Variants in LAMA2 observed in about 807,000 individuals in gnomAD.
LAMA2 encodes laminin subunit alpha 2, also known as laminin subunit alpha-2.
LAMA2 carries 269 observed loss-of-function variants against 364.8 expected under a neutral mutation model. That is an observed-to-expected ratio of 0.74 (90% CI 0.67 to 0.82). The LOEUF (loss-of-function observed/expected upper bound fraction) is 0.82. Among genes scored for constraint, LAMA2 ranks in the 40% least tolerant of loss-of-function variants. The pLI is 0.00. For synonymous variants in LAMA2, 1,379 were observed against 1,370.6 expected (o/e 1.01, Z -0.14); for missense variants, 3,807 against 3,873.2 (o/e 0.98, Z 0.45).
chr6:129,223,859 GT>G, intron 12 of LAMA2, among the ~76,000 whole-genome samples: 1 of 151,962 alleles, frequency 6.6e-6, no homozygotes, highest in South Asian at 2.1e-4. Context: ...CTTTAAAGTA[GT>G]TTTTTTTCCA....
chr6:129,383,176 A>G lies in LAMA2; in HGVS notation c.5014A>G (p.Asn1672Asp). The change falls in exon 35 of 65, where the codon AAC (asparagine) becomes GAC (aspartate). Residue 1672 changes from asparagine to aspartate, a missense_variant. By Grantham distance (23) the Asn-to-Asp change is conservative (BLOSUM62 1). Transcript: ENST00000421865. ...EQTGQDAERTNTRAKSLGEFI... is the reference protein window; with the variant it reads ...EQTGQDAERTDTRAKSLGEFI... ...GACCGGACAGGATGCTGAGAGGACCAACACAAGAGCAAAGTCCCTGGGAGA... is the reference window on the plus strand; with the variant it reads ...GACCGGACAGGATGCTGAGAGGACCGACACAAGAGCAAAGTCCCTGGGAGA... 1 of 1,613,970 alleles carries G rather than the reference A, an allele frequency of 6.2e-7. No homozygotes were observed. Among genetic ancestry groups the G allele is most frequent in the Non-Finnish European group, 8.5e-7 (1 of 1,179,942 alleles).
intron 12 of LAMA2, among the ~76,000 whole-genome samples, chr6:129,203,655 T>C (rs9375618): frequency 6.6e-6 from 1 of 152,212 alleles, no homozygotes; most frequent in Admixed American, 6.5e-5. Context: ...CTTTTTTTCC[T>C]CCTTGATTTC....
intron 53 of LAMA2, among the ~76,000 whole-genome samples, chr6:129,477,781 A>G (rs945094515): frequency 2.6e-5 from 4 of 152,266 alleles, no homozygotes; most frequent in African/African-American, 9.6e-5. Flanking sequence ...ATCTGTTAAA[A>G]AAAAACATTT....
intron 40 of LAMA2, 33 bp downstream of exon 40, chr6:129,403,992 G>C: frequency 6.2e-7 from 1 of 1,612,204 alleles, no homozygotes. Context: ...GCTGGGAATG[G>C]AAGTCAACCT....
intron 51 of LAMA2, among the ~76,000 whole-genome samples, chr6:129,469,785 A>G (rs1329559464): frequency 6.6e-6 from 1 of 152,084 alleles, no homozygotes; most frequent in African/African-American, 2.4e-5. Context: ...TAAAAAATAA[A>G]GTATTAATAT....
intron 1 of LAMA2, chr6:128,905,681 T>C (rs1394889470): frequency 6.6e-6 from 1 of 152,016 alleles, no homozygotes; most frequent in African/African-American, 2.4e-5. Flanking sequence ...ATGTGCACAT[T>C]GTGCAGGTTA....
At position 129,442,623 on chromosome 6, in the gene LAMA2, CG is replaced by C. The variant is rs2114769098; in HGVS notation, c.6269-439del. On this transcript the variant is annotated intron_variant, in intron 43 of 64. Transcript: ENST00000421865. ...GTTTTATGAATTATTTATTTCATCA[CG>C]CATGTATTAAGCCTAGTACCCATTA... 2.6e-5 allele frequency among the ~76,000 whole-genome samples: 4 copies of C among 152,230 alleles called. No individual in the cohort carries two copies. In the South Asian group the frequency reaches 8.3e-4, roughly 32 times the overall value.
intron 21 of LAMA2, 121 bp from the exon 22 acceptor site, chr6:129,300,615 T>C (rs1217904597): frequency 1.0e-6 from 1 of 989,100 alleles, no homozygotes; most frequent in African/African-American, 1.6e-5. Context: ...TATTTCCAAA[T>C]ATCCTTAAGT....
At chr6:129,512,887 T>C (rs1166379107) in intron 63 of LAMA2, among the ~76,000 whole-genome samples, 3 of 152,180 alleles carry the variant, frequency 2.0e-5, no homozygotes, top group Non-Finnish European at 4.4e-5. Flanking sequence ...TCTGCCTCTT[T>C]TAACAGGCTA....
intron 23 of LAMA2, among the ~76,000 whole-genome samples, 171 bp downstream of exon 23, chr6:129,313,268 A>G (rs1408242766): frequency 1.3e-5 from 2 of 152,222 alleles, no homozygotes; most frequent in African/African-American, 4.8e-5. Flanking sequence ...TTGTTGGCAT[A>G]CCGATAAACA....
intron 1 of LAMA2, among the ~76,000 whole-genome samples, chr6:129,042,000 T>C (rs1466689806): frequency 4.8e-5 from 1 of 20,914 alleles, no homozygotes; most frequent in East Asian, 1.8e-3. Context: ...AGACCCTGTC[T>C]CAAAAAAAAA....
At chr6:128,921,772 A>T (rs1214977422) in intron 1 of LAMA2, among the ~76,000 whole-genome samples, 2 of 150,440 alleles carry the variant, frequency 1.3e-5, no homozygotes, top group Non-Finnish European at 2.9e-5. Flanking sequence ...TTAGTTACAT[A>T]TGTATACATG....
chr6:128,929,352 G>A (rs1455063875), intron 1 of LAMA2: 46 of 1,079,020 alleles, frequency 4.3e-5, no homozygotes, highest in Non-Finnish European at 6.0e-5. Flanking sequence ...ACTGGGGTGA[G>A]ACCTCGAGAG....
At chr6:129,213,652 T>C (rs548452094) in intron 12 of LAMA2, among the ~76,000 whole-genome samples, 4 of 152,344 alleles carry the variant, frequency 2.6e-5, no homozygotes, top group African/African-American at 9.6e-5. Context: ...TTCATGTGCT[T>C]ATTTTCCATC....
intron 33 of LAMA2, among the ~76,000 whole-genome samples, chr6:129,367,489 T>G (rs1777842159): frequency 6.6e-6 from 1 of 152,176 alleles, no homozygotes; most frequent in Admixed American, 6.5e-5. Context: ...ATCAGTAAGA[T>G]TCAGGGTAAC....
At chr6:129,250,083 G>T in intron 12 of LAMA2, 29 bp from the exon 13 acceptor site, 1 of 1,295,974 alleles carries the variant, frequency 7.7e-7, no homozygotes, top group South Asian at 1.2e-5. Context: ...CTCCTATCCC[G>T]TAATGATTAT....
chr6:128,959,763 T>C (rs1386857489), intron 1 of LAMA2, among the ~76,000 whole-genome samples: 2 of 152,148 alleles, frequency 1.3e-5, no homozygotes, highest in Non-Finnish European at 2.9e-5. Flanking sequence ...TCTTTTCATG[T>C]TGAAATACAC....
intron 32 of LAMA2, among the ~76,000 whole-genome samples, chr6:129,362,560 A>G (rs1777527362): frequency 6.6e-6 from 1 of 152,218 alleles, no homozygotes; most frequent in African/African-American, 2.4e-5. Context: ...TCTCACAAAA[A>G]TATTAGCCCA....
chr6:129,417,311 A>G (rs1043330010), intron 40 of LAMA2, among the ~76,000 whole-genome samples: 4 of 152,102 alleles, frequency 2.6e-5, no homozygotes, highest in Non-Finnish European at 5.9e-5. Context: ...TTCCACAGGC[A>G]GGTAATTCCA....
Sources: gnomAD v4.1 joint callset for allele counts (sites outside exome capture counted in the v4.1 genomes callset) on GRCh38, gnomAD v4.1.1 for gene constraint, MANE v1.5 for transcripts, NCBI Gene and HGNC (gene_info 2026-07-23, HGNC 2026-07-21) for gene names.